Variants in TANK observed in about 807,000 individuals in gnomAD.
TANK encodes TRAF family member-associated NF-kappa-B activator.
In TANK, 15 loss-of-function variants were observed where a neutral mutation model predicts 43.6. The ratio of observed to expected loss-of-function variants is 0.34; its 90% CI spans 0.23 to 0.53. TANK has a LOEUF of 0.53. TANK is among the 20% of genes least tolerant of loss of function. The pLI, the probability that TANK is intolerant of heterozygous loss-of-function variation, is 0.94. For synonymous variants in TANK, 162 were observed against 178.2 expected (o/e 0.91, Z 0.73); for missense variants, 417 against 498.6 (o/e 0.84, Z 1.56).
At chr2:161,235,312 G>A in intron 7 of TANK, 30 bp from the exon 8 acceptor site, 1 of 1,554,536 alleles carries the variant, frequency 6.4e-7, no homozygotes, top group Non-Finnish European at 8.7e-7. Flanking sequence ...TTAAACATAA[G>A]TAACAGATAT....
At chr2:161,231,830 C>T (rs193292053) in intron 7 of TANK, among the ~76,000 whole-genome samples, 24 of 152,198 alleles carry the variant, frequency 1.6e-4, no homozygotes, top group African/African-American at 5.8e-4. Flanking sequence ...TTTCTTAGTT[C>T]CTTATTCAAA....
chr2:161,217,318 T>A (rs529081310), intron 4 of TANK, among the ~76,000 whole-genome samples: 1 of 152,146 alleles, frequency 6.6e-6, no homozygotes, highest in Admixed American at 6.5e-5. Flanking sequence ...GAATTTAAGG[T>A]TCTCAAATTC....
intron 4 of TANK, among the ~76,000 whole-genome samples, chr2:161,205,786 T>G (rs1247727075): frequency 6.6e-6 from 1 of 152,154 alleles, no homozygotes; most frequent in Non-Finnish European, 1.5e-5. Context: ...GTTGTTGTTG[T>G]TGGTTTTGTT....
At chr2:161,190,362 A>G (rs1425686459) in intron 2 of TANK, among the ~76,000 whole-genome samples, 1 of 152,218 alleles carries the variant, frequency 6.6e-6, no homozygotes, top group African/African-American at 2.4e-5. Context: ...GGAATGTAAA[A>G]TAATGCAGCC....
chr2:161,173,993 C>T (rs1468541052), intron 1 of TANK, among the ~76,000 whole-genome samples: 4 of 152,078 alleles, frequency 2.6e-5, no homozygotes, highest in East Asian at 1.9e-4. Flanking sequence ...ATGACTAGCA[C>T]GTAGTCACAT....
At position 161,204,096 on chromosome 2, in the gene TANK, A is replaced by G. The variant is rs142724848; in HGVS notation, c.208+501A>G. On this transcript the variant is annotated intron_variant, in intron 3 of 7. Transcript: ENST00000392749. ...ACTTGTAAGAATATGTGGACGATAT[A>G]TAGCAAAATGAACAAAGCAGGATAC... is the stretch of plus-strand genomic sequence containing the variant. Among the ~76,000 whole-genome samples the G allele has an allele frequency of 3.2e-3, 487 of 152,208 alleles. 2 individuals carry two copies. The highest frequency in any genetic ancestry group is 9.3e-3 in the African/African-American group (387 of 41,488).
chr2:161,232,494 A>G (rs1687966400), intron 7 of TANK, among the ~76,000 whole-genome samples: 1 of 152,214 alleles, frequency 6.6e-6, no homozygotes, highest in Non-Finnish European at 1.5e-5. Flanking sequence ...GCTGTGGTAT[A>G]TTTTAGTAGT....
chr2:161,179,642 G>C lies in TANK; in HGVS notation c.-21G>C. ...TGTCATTTACTCCATCCTTTATAGT[G>C]ATGCTACAGGACGAAGAGGAATGGA... On this transcript the variant is annotated 5_prime_UTR_variant, in exon 2 of 8. Transcript: ENST00000392749. 1 of 1,612,060 alleles carries C rather than the reference G, an allele frequency of 6.2e-7. No homozygotes were observed. Among genetic ancestry groups the C allele is most frequent in the South Asian group, 1.1e-5 (1 of 90,830 alleles).
chr2:161,179,971 G>T, intron 2 of TANK: 2 of 1,237,540 alleles, frequency 1.6e-6, no homozygotes, highest in South Asian at 6.5e-5. Flanking sequence ...TGATTTGATG[G>T]GCTCCTTTTC....
rs142775266 is a variant in TANK at position 161,213,535 on chromosome 2, G to A, written c.327+8742G>A. 4.0e-3 allele frequency among the ~76,000 whole-genome samples: 603 copies of A among 151,650 alleles called. 3 individuals carry two copies. Among genetic ancestry groups the A allele is most frequent in the African/African-American group, 0.013 (554 of 41,326 alleles). ...GGAGAATCGCTTGAACCTAGGAGAT[G>A]GAGGTTGCATGAGCCAAGATCACAC... On this transcript the variant is annotated intron_variant, in intron 4 of 7. Transcript: ENST00000392749.
chr2:161,224,924 A>G (rs1469514544), intron 6 of TANK, among the ~76,000 whole-genome samples, 178 bp downstream of exon 6: 1 of 152,038 alleles, frequency 6.6e-6, no homozygotes, highest in African/African-American at 2.4e-5. Context: ...TACATGTGTA[A>G]TTGTTGGTTT....
Position 161,224,609 on chromosome 2 carries a change from A to G in TANK, c.405-22A>G, listed in dbSNP as rs757216106. ...TTGGAAGTTATAGCTTTACATTTTA[A>G]AATGTTGATTTTTTTTTTTAGGGGT... On this transcript the variant is annotated intron_variant, in intron 5 of 7. Transcript: ENST00000392749. The G allele has an allele frequency of 4.8e-6, 6 of 1,244,536 alleles. No homozygotes were observed. The African/African-American group carries it at 9.2e-5, about 19-fold the overall frequency. The allele number at this position is 1,244,536 out of a possible 1,614,324, so 77.1% of individuals were successfully genotyped here. A position where few individuals can be genotyped will look rare whatever the true frequency, so the allele number is the denominator to read the frequency against.
At chr2:161,181,895 G>A (rs1473602683) in intron 2 of TANK, among the ~76,000 whole-genome samples, 1 of 151,930 alleles carries the variant, frequency 6.6e-6, no homozygotes, top group African/African-American at 2.4e-5. Context: ...TTGAAAGTGA[G>A]AGATCTTATG....
intron 4 of TANK, chr2:161,207,812 G>A (rs902687792): frequency 1.2e-4 from 123 of 985,248 alleles, no homozygotes; most frequent in Non-Finnish European, 1.4e-4. Context: ...GTCTGTTGCA[G>A]TTTTTTAAAA....
chr2:161,169,222 A>G (rs564539497), intron 1 of TANK, among the ~76,000 whole-genome samples: 71 of 152,362 alleles, frequency 4.7e-4, no homozygotes, highest in African/African-American at 1.7e-3. Context: ...GGAGCAAGCC[A>G]GAAAGCTTAC....
chr2:161,160,795 TG>T, intron 1 of TANK: 1 of 548,102 alleles, frequency 1.8e-6, no homozygotes, highest in Non-Finnish European at 3.6e-6. Flanking sequence ...GCCCGGGAAA[TG>T]GGGGTGGAAG....
intron 1 of TANK, among the ~76,000 whole-genome samples, chr2:161,165,926 T>C (rs1684658668): frequency 6.6e-6 from 1 of 152,220 alleles, no homozygotes; most frequent in African/African-American, 2.4e-5. Flanking sequence ...TTATACTGTT[T>C]AGTTGTGCAC....
At chr2:161,214,091 G>A (rs1687018534) in intron 4 of TANK, among the ~76,000 whole-genome samples, 1 of 151,982 alleles carries the variant, frequency 6.6e-6, no homozygotes, top group South Asian at 2.1e-4. Context: ...TCAAGTATTG[G>A]GCATCTGTCA....
At chr2:161,160,162 G>T, upstream of TANK, 1 of 369,380 alleles carries the variant, frequency 2.7e-6, no homozygotes, top group Non-Finnish European at 4.8e-6. Flanking sequence ...AAAAAATCCA[G>T]CAAAGACTCA....
Sources: gnomAD v4.1 joint callset for allele counts (sites outside exome capture counted in the v4.1 genomes callset) on GRCh38, gnomAD v4.1.1 for gene constraint, MANE v1.5 for transcripts, NCBI Gene and HGNC (gene_info 2026-07-23, HGNC 2026-07-21) for gene names.